SLC22A23: variants seen among roughly 807,000 people sequenced by gnomAD.
The protein encoded by SLC22A23 is solute carrier family 22 member 23.
A neutral mutation model predicts 61.0 loss-of-function variants in SLC22A23; 26 were observed. That is an observed-to-expected ratio of 0.43 (90% CI 0.31 to 0.59). The LOEUF (loss-of-function observed/expected upper bound fraction) is 0.59, where lower values mean the gene tolerates loss of function less well. Among genes scored for constraint, SLC22A23 ranks in the 20% least tolerant of loss-of-function variants. The probability of loss-of-function intolerance (pLI) is 0.11; values close to 1 mark genes in which losing one functional copy is unlikely to be tolerated. For synonymous variants in SLC22A23, 430 were observed against 413.9 expected, an observed-to-expected ratio of 1.04 and a Z score of -0.47; for missense variants, 796 against 934.7, an observed-to-expected ratio of 0.85 and a Z score of 1.94.
chr6:3,456,124 C>T lies in SLC22A23; in HGVS notation c.436G>A (p.Gly146Ser). Reference protein sequence around the residue: ...ELAGVTTTGRGGDMGNWTSLP... With the variant: ...ELAGVTTTGRSGDMGNWTSLP... ...CTGGTCCAGTTGCCCATGTCCCCGC[C>T]CCGGCCTGTGGTGGTGACCCCTGCC... The change falls in exon 1 of 10, where the codon GGC (glycine) becomes AGC (serine). Residue 146 changes from glycine to serine, a missense_variant. Transcript: ENST00000406686. This position sits in a 1 kb window ranked among gnomAD's most constrained non-coding sequence, Gnocchi z 7.1. 1.9e-6 allele frequency: 3 copies of T among 1,550,908 alleles called. No individual in the cohort carries two copies. The highest frequency in any genetic ancestry group is 2.4e-5 in the East Asian group (1 of 40,986).
At chr6:3,316,792 A>G (rs1215982401) in intron 4 of SLC22A23, among the ~76,000 whole-genome samples, 1 of 152,128 alleles carries the variant, frequency 6.6e-6, no homozygotes, top group Non-Finnish European at 1.5e-5. Context: ...ACGTGCTCCC[A>G]TGTGTGGCTA....
intron 3 of SLC22A23, among the ~76,000 whole-genome samples, chr6:3,393,613 G>A (rs758600632): frequency 1.3e-5 from 2 of 152,184 alleles, no homozygotes; most frequent in Admixed American, 1.3e-4. Context: ...CGGGAAAATG[G>A]CAGCAGAAAT....
chr6:3,275,237 G>A (rs975142830), intron 9 of SLC22A23, among the ~76,000 whole-genome samples: 6 of 152,170 alleles, frequency 3.9e-5, no homozygotes, highest in East Asian at 3.8e-4. Flanking sequence ...TTTTCAACAG[G>A]TGGTGCTGGG....
chr6:3,431,066 CAAAAA>C (rs751754256), intron 1 of SLC22A23, among the ~76,000 whole-genome samples: 1 of 129,462 alleles, frequency 7.7e-6, no homozygotes. Flanking sequence ...AACTCCGTCT[CAAAAA>C]AAAAAAAAAA....
At chr6:3,281,482 T>G (rs1055118428) in intron 9 of SLC22A23, among the ~76,000 whole-genome samples, 3 of 152,152 alleles carry the variant, frequency 2.0e-5, no homozygotes, top group Admixed American at 6.5e-5. Flanking sequence ...TGCAGAAAAT[T>G]TCATATCCTA....
intron 4 of SLC22A23, among the ~76,000 whole-genome samples, chr6:3,310,937 ATTCCT>A (rs1561888860): frequency 6.6e-6 from 1 of 152,236 alleles, no homozygotes; most frequent in Non-Finnish European, 1.5e-5. Context: ...CCCTCAAGTC[ATTCCT>A]TTATTTGTTT....
chr6:3,399,557 T>C (rs2127496983), intron 3 of SLC22A23, among the ~76,000 whole-genome samples: 1 of 152,326 alleles, frequency 6.6e-6, no homozygotes, highest in East Asian at 1.9e-4. Flanking sequence ...GCCAAGCCTA[T>C]AGCTGTGTTA....
chr6:3,412,503 C>T (rs1388361693), intron 2 of SLC22A23, among the ~76,000 whole-genome samples: 2 of 152,148 alleles, frequency 1.3e-5, no homozygotes, highest in Non-Finnish European at 2.9e-5. Context: ...ATGGATGGTT[C>T]TCCTAGAAAC....
chr6:3,284,890 C>A, intron 8 of SLC22A23, 189 bp downstream of exon 8: 4 of 1,534,446 alleles, frequency 2.6e-6, no homozygotes, highest in Non-Finnish European at 3.5e-6. Flanking sequence ...GTCGCTCTTT[C>A]TAGAGGCAAG....
chr6:3,378,459 A>G (rs914152141), intron 3 of SLC22A23, among the ~76,000 whole-genome samples: 7 of 152,094 alleles, frequency 4.6e-5, no homozygotes, highest in African/African-American at 1.7e-4. Context: ...CAACAGGGTA[A>G]TTGTTTCCTT....
At chr6:3,397,437 G>C (rs1403389606) in intron 3 of SLC22A23, among the ~76,000 whole-genome samples, 1 of 152,182 alleles carries the variant, frequency 6.6e-6, no homozygotes, top group Non-Finnish European at 1.5e-5. Context: ...CTCAGTAAGT[G>C]TTATCTCTGG....
intron 1 of SLC22A23, among the ~76,000 whole-genome samples, chr6:3,429,375 C>T (rs1333825406): frequency 6.6e-6 from 1 of 152,152 alleles, no homozygotes; most frequent in Non-Finnish European, 1.5e-5. Context: ...AAAAGGTCAA[C>T]CACAACAAGA....
intron 2 of SLC22A23, among the ~76,000 whole-genome samples, chr6:3,415,239 A>G (rs1297740457): frequency 2.6e-5 from 4 of 152,040 alleles, no homozygotes; most frequent in Non-Finnish European, 5.9e-5. Context: ...TTTATCACTC[A>G]AGGTGCAGCT....
At chr6:3,452,591 A>T (rs1394627790) in intron 1 of SLC22A23, among the ~76,000 whole-genome samples, 1 of 109,132 alleles carries the variant, frequency 9.2e-6, no homozygotes, top group Non-Finnish European at 1.7e-5. Flanking sequence ...ACAGAGCCAG[A>T]CGCTGTCTAA....
At chr6:3,383,687 A>G (rs566856181) in intron 3 of SLC22A23, among the ~76,000 whole-genome samples, 2 of 152,188 alleles carry the variant, frequency 1.3e-5, no homozygotes, top group South Asian at 4.2e-4. Context: ...AAAAAGTCAC[A>G]GGAGAGTGTT....
intron 6 of SLC22A23, among the ~76,000 whole-genome samples, chr6:3,287,981 G>A (rs9503525): frequency 0.02 from 2,975 of 152,214 alleles, 52 homozygotes; most frequent in Middle Eastern, 0.068. Flanking sequence ...CACCGCACCC[G>A]GCCTCCGTTT....
rs963723530 is a variant in SLC22A23 at position 3,390,592 on chromosome 6, T to A, written c.913+19596A>T. Reference sequence around the variant, plus strand: ...CTTCGGGTTCACTTGCAGGTTTAAATGTTACCTAAGAATAACCTAATGCAG... The same window carrying A: ...CTTCGGGTTCACTTGCAGGTTTAAAAGTTACCTAAGAATAACCTAATGCAG... On this transcript the variant is annotated intron_variant, in intron 3 of 9. Transcript: ENST00000406686. This position sits in a 1 kb window ranked among gnomAD's most constrained non-coding sequence, Gnocchi z 4.0. Among the ~76,000 whole-genome samples, 2 of 152,222 alleles carry A rather than the reference T, an allele frequency of 1.3e-5. No homozygotes were observed. The highest frequency in any genetic ancestry group is 4.8e-5 in the African/African-American group (2 of 41,458).
intron 1 of SLC22A23, among the ~76,000 whole-genome samples, chr6:3,432,577 T>C (rs1457913765): frequency 6.6e-6 from 1 of 152,168 alleles, no homozygotes; most frequent in Non-Finnish European, 1.5e-5. Context: ...GGGCTTCAAA[T>C]TTCTAAACTG....
rs1302643508 is a variant in SLC22A23 at position 3,328,375 on chromosome 6, T to C, written c.914-4373A>G. On this transcript the variant is annotated intron_variant, in intron 3 of 9. Coordinates refer to ENST00000406686, the MANE Select transcript of SLC22A23 (RefSeq NM_015482.2). This position sits in a 1 kb window ranked among gnomAD's most constrained non-coding sequence, Gnocchi z 5.0. Reference sequence around the variant, plus strand: ...CGCTTTTCGGAAGTCGTCAGATTCTTACAAATTTTCAGGAGGAAAAGCACA... The same window carrying C: ...CGCTTTTCGGAAGTCGTCAGATTCTCACAAATTTTCAGGAGGAAAAGCACA... Among the ~76,000 whole-genome samples, 1 of 152,054 alleles carries C rather than the reference T, an allele frequency of 6.6e-6. No individual in the cohort carries two copies. Among genetic ancestry groups the C allele is most frequent in the Non-Finnish European group, 1.5e-5 (1 of 68,016 alleles).
Sources: allele counts gnomAD v4.1 joint callset (sites outside exome capture counted in the v4.1 genomes callset), GRCh38; gene constraint gnomAD v4.1.1; non-coding constraint Gnocchi (gnomAD v3.1); transcripts MANE v1.5; gene names NCBI Gene and HGNC (gene_info 2026-07-23, HGNC 2026-07-21).